The following CHRM2 variants were observed in gnomAD, a reference collection of about 807,000 sequenced individuals.
CHRM2 encodes the protein cholinergic receptor muscarinic 2, also known as muscarinic acetylcholine receptor M2.
In CHRM2, 8 loss-of-function variants were observed where a neutral mutation model predicts 25.0. That is an observed-to-expected ratio of 0.32 (90% CI 0.19 to 0.58). The LOEUF is 0.58. Ranked by LOEUF, CHRM2 falls within the 20% of genes least tolerant of loss-of-function variation. CHRM2 has a pLI of 0.88. For missense variants in CHRM2, 440 were observed against 567.1 expected (o/e 0.78, Z 2.28); for synonymous variants, 202 against 205.7 (o/e 0.98, Z 0.15).
At chr7:136,995,287 TATACACAA>T (rs1383579553) in intron 3 of CHRM2, among the ~76,000 whole-genome samples, 1 of 152,112 alleles carries the variant, frequency 6.6e-6, no homozygotes, top group Non-Finnish European at 1.5e-5. Context: ...CTTAGCAAGA[TATACACAA>T]ATATACATAC....
chr7:136,917,390 T>C (rs1425768182), intron 2 of CHRM2, among the ~76,000 whole-genome samples: 2 of 152,034 alleles, frequency 1.3e-5, no homozygotes, highest in African/African-American at 2.4e-5. Context: ...CTTTGCCTCC[T>C]GTTGGTTCAT....
intron 2 of CHRM2, among the ~76,000 whole-genome samples, chr7:136,945,933 G>C (rs939898499): frequency 6.6e-6 from 1 of 152,044 alleles, no homozygotes; most frequent in African/African-American, 2.4e-5. Context: ...CTTTGTTAGT[G>C]GAGAAGCAAA....
At chr7:136,991,262 C>T (rs1803207702) in intron 2 of CHRM2, among the ~76,000 whole-genome samples, 1 of 152,100 alleles carries the variant, frequency 6.6e-6, no homozygotes, top group African/African-American at 2.4e-5. Flanking sequence ...TATAGCTTTG[C>T]ATTTTACAAT....
intron 2 of CHRM2, among the ~76,000 whole-genome samples, chr7:136,880,091 G>A (rs989540474): frequency 2.0e-5 from 3 of 148,026 alleles, no homozygotes; most frequent in Non-Finnish European, 4.5e-5. Flanking sequence ...AATTGCTCTT[G>A]CCTCTCTGTG....
At chr7:136,999,942 A>G (rs1372896065) in intron 3 of CHRM2, among the ~76,000 whole-genome samples, 1 of 151,498 alleles carries the variant, frequency 6.6e-6, no homozygotes, top group Non-Finnish European at 1.5e-5. Context: ...ATTATATGGA[A>G]TAAGTAGAGC....
intron 2 of CHRM2, among the ~76,000 whole-genome samples, chr7:136,921,482 C>T (rs868635295): frequency 1.3e-3 from 203 of 152,266 alleles, no homozygotes; most frequent in African/African-American, 4.7e-3. Context: ...TTACAGCTCT[C>T]TTATTCCAAT....
intron 2 of CHRM2, among the ~76,000 whole-genome samples, chr7:136,930,848 G>C (rs1437800468): frequency 7.6e-6 from 1 of 132,062 alleles, no homozygotes; most frequent in East Asian, 2.5e-4. Context: ...AGTGAGCCGA[G>C]ACTGCGCCAC....
chr7:136,962,430 C>G (rs750155513), intron 2 of CHRM2, among the ~76,000 whole-genome samples: 1 of 152,066 alleles, frequency 6.6e-6, no homozygotes, highest in South Asian at 2.1e-4. Flanking sequence ...CCACTGCGCC[C>G]GGCCACAACT....
Position 137,014,888 on chromosome 7 carries a change from C to T in CHRM2, c.23C>T (p.Ser8Phe), listed in dbSNP as rs1406069647. Residue 8 changes from serine (S) to phenylalanine (F), a missense_variant, in exon 4 of 4, where the codon TCT becomes TTT. Physicochemically the swap from Ser to Phe is radical, Grantham distance 155. This residue lies in a region of CHRM2 where 86 missense variants were observed against 124.9 expected (regional missense o/e 0.69). Coordinates refer to ENST00000680005, the MANE Select transcript of CHRM2 (RefSeq NM_001006630.2). MNNSTNS[S>F]NNSLALTSPY... The stretch of plus-strand genomic sequence containing the variant: ...AAAATGAATAACTCAACAAACTCCT[C>T]TAACAATAGCCTGGCTCTTACAAGT... The T allele has an allele frequency of 6.2e-7, 1 of 1,613,134 alleles. No homozygotes were observed.
At chr7:136,928,461 T>A (rs753352097) in intron 2 of CHRM2, among the ~76,000 whole-genome samples, 11 of 152,206 alleles carry the variant, frequency 7.2e-5, no homozygotes, top group Non-Finnish European at 1.3e-4. Context: ...TTGTATACTA[T>A]GTTGATCCTG....
At position 136,942,895 on chromosome 7, in the gene CHRM2, C is replaced by T. The variant is rs117825778; in HGVS notation, c.-124-49292C>T. Among the ~76,000 whole-genome samples, 258 of 151,690 alleles carry T rather than the reference C, an allele frequency of 1.7e-3. 4 individuals are homozygous for T. The East Asian group carries it at 0.043, about 25-fold the overall frequency. On this transcript the variant is annotated intron_variant, in intron 2 of 3. Transcript: ENST00000680005. ...CTCTTCAAAATTTTTCTTTGTCCTT[C>T]GTATTATTTTCTAACCCCTTACTGT...
At chr7:136,899,448 A>C (rs1312397039) in intron 2 of CHRM2, 1 of 152,136 alleles carries the variant, frequency 6.6e-6, no homozygotes. Flanking sequence ...ACTAGTTTGC[A>C]TGATTTCCAT....
At chr7:136,995,062 G>A (rs998952938) in intron 3 of CHRM2, among the ~76,000 whole-genome samples, 5 of 152,036 alleles carry the variant, frequency 3.3e-5, no homozygotes, top group South Asian at 2.1e-4. Flanking sequence ...TTATTTATAC[G>A]GAGAAAGTGG....
Position 137,017,898 on chromosome 7 carries a change from T to A in CHRM2, c.*1632T>A, listed in dbSNP as rs538205908. On this transcript the variant is annotated 3_prime_UTR_variant, in exon 4 of 4. Coordinates refer to ENST00000680005, the MANE Select transcript of CHRM2 (RefSeq NM_001006630.2). ...GTCTAAATAAATATAGGATTAGGAT[T>A]ATACGGATTCACATACAACTAGTTA... 6.6e-6 allele frequency: 1 copy of A among 151,974 alleles called. No individual in the cohort carries two copies. 9.4% of individuals were successfully genotyped at this position (151,974 alleles called of 1,614,324 possible).
At chr7:137,014,012 G>C (rs1290446035) in intron 3 of CHRM2, among the ~76,000 whole-genome samples, 1 of 151,936 alleles carries the variant, frequency 6.6e-6, no homozygotes, top group Non-Finnish European at 1.5e-5. Flanking sequence ...CAGAAAAGTG[G>C]TATTTTCTCC....
intron 3 of CHRM2, among the ~76,000 whole-genome samples, chr7:136,998,127 G>A (rs1171814892): frequency 6.6e-6 from 1 of 152,136 alleles, no homozygotes; most frequent in African/African-American, 2.4e-5. Flanking sequence ...TGAGTTAGTA[G>A]GTACATATGG....
intron 2 of CHRM2, among the ~76,000 whole-genome samples, chr7:136,940,480 G>T (rs1192239539): frequency 6.6e-6 from 1 of 152,144 alleles, no homozygotes; most frequent in African/African-American, 2.4e-5. Context: ...CTGTAGAATG[G>T]AGTCAATAGT....
At chr7:136,985,148 C>G (rs1802762080) in intron 2 of CHRM2, among the ~76,000 whole-genome samples, 1 of 152,150 alleles carries the variant, frequency 6.6e-6, no homozygotes, top group South Asian at 2.1e-4. Flanking sequence ...GAGGTAAAAG[C>G]TGCACATGTG....
chr7:136,996,713 A>G (rs1369187905), intron 3 of CHRM2, among the ~76,000 whole-genome samples: 1 of 152,178 alleles, frequency 6.6e-6, no homozygotes, highest in Non-Finnish European at 1.5e-5. Flanking sequence ...GTATGCCACA[A>G]AACTAAATAT....
Sources: allele counts gnomAD v4.1 joint callset (sites outside exome capture counted in the v4.1 genomes callset), GRCh38; gene constraint gnomAD v4.1.1; regional missense constraint gnomAD v4.1.1; transcripts MANE v1.5; gene names NCBI Gene and HGNC (gene_info 2026-07-23, HGNC 2026-07-21).